CUX2: variants seen among roughly 807,000 people sequenced by gnomAD.
The protein encoded by CUX2 is cut like homeobox 2.
A neutral mutation model predicts 144.8 loss-of-function variants in CUX2; 40 were observed. That is an observed-to-expected ratio of 0.28 (90% CI 0.21 to 0.36). The LOEUF (loss-of-function observed/expected upper bound fraction) is 0.36. Among genes scored for constraint, CUX2 ranks in the 10% least tolerant of loss-of-function variants. The pLI is 1.00. For missense variants in CUX2, 1,615 were observed against 1,994.0 expected, an observed-to-expected ratio of 0.81 and a Z score of 3.62; for synonymous variants, 827 against 875.6, an observed-to-expected ratio of 0.94 and a Z score of 0.98.
In CUX2 at chr12:111,059,624, G is replaced by T. The variant is rs548421184; in HGVS notation, c.63+25384G>T. 1.2e-3 allele frequency among the ~76,000 whole-genome samples: 186 copies of T among 152,142 alleles called. No homozygotes were observed. Among genetic ancestry groups the T allele is most frequent in the Admixed American group, 2.0e-3 (31 of 15,276 alleles). On this transcript the variant is annotated intron_variant, in intron 1 of 21. Transcript: ENST00000261726. This position sits in a 1 kb window ranked among gnomAD's most constrained non-coding sequence, Gnocchi z 5.3. Reference sequence around the variant, plus strand: ...TGGGGAGGTGGGAGATGAAGTGGGGGCAGGGTGGCAGGAGCCAGATCACCT... The same window carrying T: ...TGGGGAGGTGGGAGATGAAGTGGGGTCAGGGTGGCAGGAGCCAGATCACCT...
At chr12:111,189,724 T>A (rs1879763928) in intron 1 of CUX2, among the ~76,000 whole-genome samples, 1 of 152,164 alleles carries the variant, frequency 6.6e-6, no homozygotes, top group Non-Finnish European at 1.5e-5. Context: ...AAAATCAAGA[T>A]CCTGATTCAG....
chr12:111,099,447 C>T (rs1177250174), intron 1 of CUX2: 1 of 413,956 alleles, frequency 2.4e-6, no homozygotes, highest in Non-Finnish European at 4.9e-6. Flanking sequence ...CTTGCCAAGC[C>T]CGGAAAGCCA....
chr12:111,229,987 C>T (rs544276112), intron 3 of CUX2, among the ~76,000 whole-genome samples: 39 of 148,582 alleles, frequency 2.6e-4, no homozygotes, highest in African/African-American at 9.5e-4. Context: ...GCACTCCAGC[C>T]TGGATGACAA....
Position 111,034,256 on chromosome 12 carries a change from G to C in CUX2, c.63+16G>C. On this transcript the variant is annotated intron_variant, in intron 1 of 21. Transcript: ENST00000261726. This position sits in a 1 kb window ranked among gnomAD's most constrained non-coding sequence, Gnocchi z 4.2. ...GCGACTCCAGGTTAGTGCGGGCAGCGCCGGCCGCGCGGCCGTGAGGAGCCC... is the reference window on the plus strand; with the variant it reads ...GCGACTCCAGGTTAGTGCGGGCAGCCCCGGCCGCGCGGCCGTGAGGAGCCC... The C allele has an allele frequency of 7.5e-7, 1 of 1,341,612 alleles. No individual in the cohort carries two copies. Among genetic ancestry groups the C allele is most frequent in the East Asian group, 5.1e-5 (1 of 19,668 alleles). 83.1% of individuals were successfully genotyped at this position (1,341,612 alleles called of 1,614,324 possible).
chr12:111,084,277 G>A (rs1406241416), intron 1 of CUX2, among the ~76,000 whole-genome samples: 1 of 152,126 alleles, frequency 6.6e-6, no homozygotes, highest in Non-Finnish European at 1.5e-5. Flanking sequence ...TTCAGCCCCC[G>A]CCCTTTCCTC....
chr12:111,134,501 T>A (rs73413580), intron 1 of CUX2, among the ~76,000 whole-genome samples: 17,351 of 152,120 alleles, frequency 0.11, 3,352 homozygotes, highest in African/African-American at 0.39. Flanking sequence ...CATGTCTGAA[T>A]ACTCATCCTT....
intron 1 of CUX2, among the ~76,000 whole-genome samples, chr12:111,179,682 G>GTT (rs771551244): frequency 7.0e-6 from 1 of 141,860 alleles, no homozygotes; most frequent in Non-Finnish European, 1.6e-5. Context: ...CCATGGTTTT[G>GTT]TTTTTTTTTT....
At position 111,104,835 on chromosome 12, in the gene CUX2, C is replaced by T. The variant is rs547766171; in HGVS notation, c.63+70595C>T. On this transcript the variant is annotated intron_variant, in intron 1 of 21. Transcript: ENST00000261726. Reference sequence around the variant, plus strand: ...GAGTCAGATTGGCCCCACCTGGTGACCTTGACGCCTTTCAGGACCACCTGG... The same window carrying T: ...GAGTCAGATTGGCCCCACCTGGTGATCTTGACGCCTTTCAGGACCACCTGG... 2.0e-5 allele frequency among the ~76,000 whole-genome samples: 3 copies of T among 152,320 alleles called. No homozygotes were observed. The East Asian group carries it at 5.8e-4, about 29-fold the overall frequency.
At chr12:111,205,950 T>C (rs1317124672) in intron 1 of CUX2, among the ~76,000 whole-genome samples, 1 of 152,236 alleles carries the variant, frequency 6.6e-6, no homozygotes, top group Non-Finnish European at 1.5e-5. Flanking sequence ...GGATATCTTG[T>C]TCTCATGGAG....
chr12:111,082,183 C>T (rs1418426589), intron 1 of CUX2, among the ~76,000 whole-genome samples: 3 of 152,104 alleles, frequency 2.0e-5, no homozygotes, highest in African/African-American at 7.2e-5. Flanking sequence ...GTGGGGACAG[C>T]AGGTGTTTTG....
chr12:111,058,580 A>G (rs1487237817), intron 1 of CUX2, among the ~76,000 whole-genome samples: 3 of 152,136 alleles, frequency 2.0e-5, no homozygotes, highest in Non-Finnish European at 2.9e-5. Flanking sequence ...AGACAGACAG[A>G]GAGAGAGACA....
intron 3 of CUX2, among the ~76,000 whole-genome samples, chr12:111,237,942 A>T (rs1882839818): frequency 6.6e-6 from 1 of 152,046 alleles, no homozygotes; most frequent in Non-Finnish European, 1.5e-5. Context: ...ACATTGTAGG[A>T]TGTTAGCAGC....
chr12:111,299,760 C>T (rs1886192905), intron 9 of CUX2, among the ~76,000 whole-genome samples: 1 of 152,176 alleles, frequency 6.6e-6, no homozygotes, highest in Non-Finnish European at 1.5e-5. Context: ...TACACAAGGG[C>T]CTGTCTAGGA....
At position 111,348,534 on chromosome 12, in the gene CUX2, A is replaced by AC. The variant is rs1345970587; in HGVS notation, c.*215dup. The AC allele has an allele frequency of 3.5e-6, 2 of 577,660 alleles. No individual in the cohort carries two copies. The highest frequency in any genetic ancestry group is 2.3e-5 in the South Asian group (1 of 44,346). 35.8% of individuals were successfully genotyped at this position (577,660 alleles called of 1,614,324 possible). A position where few individuals can be genotyped will look rare whatever the true frequency, so the allele number is the denominator to read the frequency against. On this transcript the variant is annotated 3_prime_UTR_variant, in exon 22 of 22. Transcript: ENST00000261726. ...AATGCCATTGCCTCCACTTTTCTGCACCCCCCTGCTCCTCTTCACCCTGAC... is the reference window on the plus strand; with the variant it reads ...AATGCCATTGCCTCCACTTTTCTGCACCCCCCCTGCTCCTCTTCACCCTGAC...
intron 3 of CUX2, among the ~76,000 whole-genome samples, chr12:111,251,911 G>A (rs746655381): frequency 1.1e-4 from 17 of 152,102 alleles, no homozygotes; most frequent in Non-Finnish European, 1.6e-4. Flanking sequence ...AGGATTACAA[G>A]GCTCACACGT....
Position 111,312,096 on chromosome 12 carries a change from C to A in CUX2, c.1901-4C>A. Reference sequence around the variant, plus strand: ...CTGCCACAGATGCCTTCTTGCCTCCCCAGGCAGCATCACCCCGAGAATCCG... The same window carrying A: ...CTGCCACAGATGCCTTCTTGCCTCCACAGGCAGCATCACCCCGAGAATCCG... On this transcript the variant is annotated splice_polypyrimidine_tract_variant and splice_region_variant and intron_variant, in intron 15 of 21. Transcript: ENST00000261726. This position sits in a 1 kb window ranked among gnomAD's most constrained non-coding sequence, Gnocchi z 4.3. The A allele has an allele frequency of 6.2e-7, 1 of 1,607,570 alleles. No homozygotes were observed. The highest frequency in any genetic ancestry group is 1.1e-5 in the South Asian group (1 of 90,722).
intron 1 of CUX2, among the ~76,000 whole-genome samples, chr12:111,058,798 T>C (rs1870644781): frequency 6.6e-6 from 1 of 151,948 alleles, no homozygotes. Flanking sequence ...GAAAGTAAAA[T>C]GGTGAAAGAA....
chr12:111,274,639 G>T (rs939674336), intron 4 of CUX2, among the ~76,000 whole-genome samples: 3 of 152,112 alleles, frequency 2.0e-5, no homozygotes, highest in African/African-American at 7.2e-5. Context: ...GCATATAAAG[G>T]CTTGGCACCC....
chr12:111,155,129 T>C (rs903703852), intron 1 of CUX2, among the ~76,000 whole-genome samples: 1 of 152,100 alleles, frequency 6.6e-6, no homozygotes, highest in African/African-American at 2.4e-5. Flanking sequence ...TTAAGTTGAG[T>C]GATTAAAGAT....
Sources: allele counts gnomAD v4.1 joint callset (sites outside exome capture counted in the v4.1 genomes callset), GRCh38; gene constraint gnomAD v4.1.1; non-coding constraint Gnocchi (gnomAD v3.1); transcripts MANE v1.5; gene names NCBI Gene and HGNC (gene_info 2026-07-23, HGNC 2026-07-21).